LENG8: variants seen among roughly 807,000 people sequenced by gnomAD.
LENG8 encodes the protein leukocyte receptor cluster (LRC) member 8.
Under a neutral mutation model 102.1 loss-of-function variants are expected in LENG8, and 28 were observed. The observed-to-expected ratio is 0.27, with a 90% CI of 0.20 to 0.38. LENG8 has a LOEUF of 0.38. Ranked by LOEUF, LENG8 falls within the 10% of genes least tolerant of loss-of-function variation. The probability of loss-of-function intolerance (pLI) is 1.00; values close to 1 mark genes in which losing one functional copy is unlikely to be tolerated. For synonymous variants in LENG8, 531 were observed against 456.7 expected (o/e 1.16, Z -2.07); for missense variants, 1,022 against 1,113.9 (o/e 0.92, Z 1.17).
Position 54,454,483 on chromosome 19 carries a change from G to A in LENG8, c.480G>A (p.Gln160=). 6.2e-7 allele frequency: 1 copy of A among 1,613,720 alleles called. No homozygotes were observed. Among genetic ancestry groups the A allele is most frequent in the Non-Finnish European group, 8.5e-7 (1 of 1,179,804 alleles). ...TGTCCTACCAGGCTCCCCCTCAGCAGCTGCCGTCGGCTCAGCCCCCTCAGC... is the reference window on the plus strand; with the variant it reads ...TGTCCTACCAGGCTCCCCCTCAGCAACTGCCGTCGGCTCAGCCCCCTCAGC... ...ESMSYQAPPQ[Q]LPSAQPPQPS... The change falls in exon 6 of 16, where the codon CAG becomes CAA. Residue 160 remains glutamine, a synonymous_variant. Coordinates refer to ENST00000326764, the MANE Select transcript of LENG8 (RefSeq NM_052925.4).
At chr19:54,452,027 T>A in intron 2 of LENG8, 66 bp from the exon 3 acceptor site, 1 of 1,505,092 alleles carries the variant, frequency 6.6e-7, no homozygotes, top group African/African-American at 1.4e-5. Context: ...GGAATTTGCC[T>A]CCCAACTTGC....
In LENG8 at chr19:54,455,278, C is replaced by G. The variant is rs528214163; in HGVS notation, c.822-86C>G. ...GAAGGAAAACTTGGGGACTGCGTCC[C>G]GCTGTGTCAGCTCAGAGTGGCGGTG... On this transcript the variant is annotated intron_variant, in intron 7 of 15. Coordinates refer to ENST00000326764, the MANE Select transcript of LENG8 (RefSeq NM_052925.4). The G allele has an allele frequency of 2.6e-6, 4 of 1,534,404 alleles. No individual in the cohort carries two copies. The Admixed American group carries it at 5.0e-5, about 19-fold the overall frequency.
In LENG8 at chr19:54,460,550, G is replaced by A. The variant is rs1434540379; in HGVS notation, c.2241-216G>A. On this transcript the variant is annotated intron_variant, in intron 15 of 15. Coordinates refer to ENST00000326764, the MANE Select transcript of LENG8 (RefSeq NM_052925.4). ...CTCCCTGGCCCCCGCACAGGTAAGT[G>A]AGGGTGAGGGGGGCACAGGGGACTG... is the stretch of plus-strand genomic sequence containing the variant. 1.7e-5 allele frequency: 24 copies of A among 1,412,348 alleles called. No homozygotes were observed. In the South Asian group the frequency reaches 3.5e-4, roughly 21 times the overall value. 87.5% of individuals were successfully genotyped at this position (1,412,348 alleles called of 1,614,324 possible).
rs557810266 is a variant in LENG8, at chr19:54,454,328, G to A, written c.427-102G>A. 21 of 1,204,984 alleles carry A rather than the reference G, an allele frequency of 1.7e-5. No homozygotes were observed. The African/African-American group carries it at 3.2e-4, about 18-fold the overall frequency. The allele number at this position is 1,204,984 out of a possible 1,614,324, so 74.6% of individuals were successfully genotyped here. Reference sequence around the variant, plus strand: ...TTTGGGAAGGTCACGGGAGGGTTGAGTGCTGAGTGCTGTGACCACTGCGTC... The same window carrying A: ...TTTGGGAAGGTCACGGGAGGGTTGAATGCTGAGTGCTGTGACCACTGCGTC... On this transcript the variant is annotated intron_variant, in intron 5 of 15. Transcript: ENST00000326764.
chr19:54,457,434 G>A lies in LENG8; in HGVS notation c.1732-313G>A, dbSNP rs148501029. Reference sequence around the variant, plus strand: ...TGGCTCACCGCAGCCTCCGCTCCCCGGCTTCAAGCGATTCTCCTGCCTCAG... The same window carrying A: ...TGGCTCACCGCAGCCTCCGCTCCCCAGCTTCAAGCGATTCTCCTGCCTCAG... On this transcript the variant is annotated intron_variant, in intron 11 of 15. Coordinates refer to ENST00000326764, the MANE Select transcript of LENG8 (RefSeq NM_052925.4). Among the ~76,000 whole-genome samples the A allele has an allele frequency of 6.1e-3, 922 of 152,272 alleles. 12 individuals carry two copies. The highest frequency in any genetic ancestry group is 0.021 in the African/African-American group (875 of 41,548).
intron 4 of LENG8, 33 bp from the exon 5 acceptor site, chr19:54,453,513 C>T: frequency 1.4e-6 from 2 of 1,479,062 alleles, no homozygotes; most frequent in East Asian, 2.3e-5. Flanking sequence ...GGGTAGGCCT[C>T]CCACTAAACC....
rs1197205471 is a variant in LENG8 at position 54,461,270 on chromosome 19, C to G, written c.*342C>G. On this transcript the variant is annotated 3_prime_UTR_variant, in exon 16 of 16. Transcript: ENST00000326764. ...TCGAGCTTGCACTCCGGTACCCGAC[C>G]CGGCGCCCTGGCCCATCCCATGCCG... 3 of 493,742 alleles carry G rather than the reference C, an allele frequency of 6.1e-6. No homozygotes were observed. Among genetic ancestry groups the G allele is most frequent in the Non-Finnish European group, 1.2e-5 (3 of 253,924 alleles). 30.6% of individuals were successfully genotyped at this position (493,742 alleles called of 1,614,324 possible).
chr19:54,461,825 C>G lies in LENG8; in HGVS notation c.*897C>G. ...TGGCCCTCCCTCCCTCCCTCTTCTG[C>G]CATGTAACTGGAGGATGTGCTATGA... On this transcript the variant is annotated 3_prime_UTR_variant, in exon 16 of 16. Coordinates refer to ENST00000326764, the MANE Select transcript of LENG8 (RefSeq NM_052925.4). 1.7e-6 allele frequency: 1 copy of G among 601,862 alleles called. No individual in the cohort carries two copies. The highest frequency in any genetic ancestry group is 1.5e-5 in the South Asian group (1 of 65,814). 37.3% of individuals were successfully genotyped at this position (601,862 alleles called of 1,614,324 possible).
intron 4 of LENG8, 65 bp from the exon 5 acceptor site, chr19:54,453,481 G>A (rs1020971197): frequency 8.2e-5 from 86 of 1,053,208 alleles, no homozygotes; most frequent in Non-Finnish European, 1.2e-4. Context: ...TGTAGTTCCT[G>A]AGCAGGCTGG....
chr19:54,452,814 T>C (rs2123083068), intron 4 of LENG8, 62 bp downstream of exon 4: 1 of 1,200,236 alleles, frequency 8.3e-7, no homozygotes, highest in African/African-American at 1.5e-5. Context: ...CGGGGCGAGG[T>C]GAAGTGGAGT....
chr19:54,462,003 A>C lies in LENG8; in HGVS notation c.*1075A>C. 1 of 1,423,168 alleles carries C rather than the reference A, an allele frequency of 7.0e-7. No individual in the cohort carries two copies. The highest frequency in any genetic ancestry group is 9.6e-7 in the Non-Finnish European group (1 of 1,038,954). The allele number at this position is 1,423,168 out of a possible 1,614,324, so 88.2% of individuals were successfully genotyped here. ...AGCTTGAGAGAAACCAAAATTAAAG[A>C]GAGAAAGAGAGAGCGTGCACGCTCC... On this transcript the variant is annotated 3_prime_UTR_variant, in exon 16 of 16. Transcript: ENST00000326764.
intron 11 of LENG8, 52 bp downstream of exon 11, chr19:54,456,973 CTT>C: frequency 6.6e-7 from 1 of 1,522,388 alleles, no homozygotes; most frequent in South Asian, 1.2e-5. Context: ...TGGCTCAGGA[CTT>C]GGGGAGCCAA....
chr19:54,458,833 C>T (rs897513607), intron 15 of LENG8: 15 of 1,550,858 alleles, frequency 9.7e-6, no homozygotes, highest in Non-Finnish European at 1.1e-5. Context: ...CCCCCTAGTT[C>T]ACTCCTTGCC....
At position 54,452,645 on chromosome 19, in the gene LENG8, C is replaced by G. The variant is rs771019579; in HGVS notation, c.214-6C>G. On this transcript the variant is annotated splice_region_variant and splice_polypyrimidine_tract_variant and intron_variant, in intron 3 of 15. Coordinates refer to ENST00000326764, the MANE Select transcript of LENG8 (RefSeq NM_052925.4). Reference sequence around the variant, plus strand: ...GCTGACGGCACATGTGCCTCTGCTTCCACAGTACGTGTCCCAGGCAGAAGC... The same window carrying G: ...GCTGACGGCACATGTGCCTCTGCTTGCACAGTACGTGTCCCAGGCAGAAGC... 3.1e-6 allele frequency: 5 copies of G among 1,594,742 alleles called. No individual in the cohort carries two copies. In the South Asian group the frequency reaches 5.6e-5, roughly 18 times the overall value.
intron 4 of LENG8, 80 bp downstream of exon 4, chr19:54,452,832 G>C (rs1264306714): frequency 2.0e-6 from 2 of 987,160 alleles, no homozygotes; most frequent in Non-Finnish European, 3.2e-6. Context: ...AGTCTGCCGG[G>C]ATGGGGCTGG....
chr19:54,451,951 C>T, intron 2 of LENG8, 142 bp from the exon 3 acceptor site: 2 of 704,930 alleles, frequency 2.8e-6, no homozygotes, highest in Non-Finnish European at 4.7e-6. Flanking sequence ...CCTTTATCAG[C>T]ATAGTACAGA....
chr19:54,455,666 T>C (rs1372535236), intron 8 of LENG8, 99 bp downstream of exon 8: 1 of 1,154,976 alleles, frequency 8.7e-7, no homozygotes, highest in Non-Finnish European at 1.2e-6. Context: ...TACCAGGAGC[T>C]CCAAAGAGAA....
At position 54,456,346 on chromosome 19, in the gene LENG8, C is replaced by T. The variant is rs750483882; in HGVS notation, c.1326C>T (p.Asp442=). 12 of 1,613,736 alleles carry T rather than the reference C, an allele frequency of 7.4e-6. No homozygotes were observed. Among genetic ancestry groups the T allele is most frequent in the Middle Eastern group, 1.6e-4 (1 of 6,084 alleles). Residue 442 remains aspartate, a synonymous_variant, in exon 10 of 16, where the codon GAC becomes GAT. Coordinates refer to ENST00000326764, the MANE Select transcript of LENG8 (RefSeq NM_052925.4). The part of the protein sequence containing the change: ...FRRSDSHSDS[D]SSYSGNECHP... The stretch of plus-strand genomic sequence containing the variant: ...GCAGTGACTCCCACTCAGACTCCGA[C>T]AGCTCCTACTCAGGGAATGAGTGTC...
At chr19:54,453,695 G>T in intron 5 of LENG8, 39 bp downstream of exon 5, 1 of 1,452,184 alleles carries the variant, frequency 6.9e-7, no homozygotes. Flanking sequence ...TGCTCAAGCA[G>T]AGGAAGTGTA....
Sources: allele counts gnomAD v4.1 joint callset (sites outside exome capture counted in the v4.1 genomes callset), GRCh38; gene constraint gnomAD v4.1.1; transcripts MANE v1.5; gene names NCBI Gene and HGNC (gene_info 2026-07-23, HGNC 2026-07-21).